Variants in CDH13 observed in about 807,000 individuals in gnomAD.
The protein encoded by CDH13 is cadherin-13.
CDH13 carries 24 observed loss-of-function variants against 63.8 expected under a neutral mutation model. The ratio of observed to expected loss-of-function variants is 0.38; its 90% CI spans 0.27 to 0.53. The LOEUF is 0.53. Ranked by LOEUF, CDH13 falls within the 20% of genes least tolerant of loss-of-function variation. CDH13 has a pLI of 0.85. For synonymous variants in CDH13, 503 were observed against 355.3 expected, an observed-to-expected ratio of 1.42 and a Z score of -4.67; for missense variants, 1,049 against 903.1, an observed-to-expected ratio of 1.16 and a Z score of -2.07.
chr16:83,065,389 G>A (rs1229178906), intron 3 of CDH13, among the ~76,000 whole-genome samples: 1 of 152,142 alleles, frequency 6.6e-6, no homozygotes, highest in Non-Finnish European at 1.5e-5. Context: ...CAAAACTGCT[G>A]CTAATTCAAA....
chr16:83,296,457 A>G (rs1241948156), intron 5 of CDH13, among the ~76,000 whole-genome samples: 2 of 152,184 alleles, frequency 1.3e-5, no homozygotes, highest in Non-Finnish European at 2.9e-5. Context: ...GTATAGTTTA[A>G]GGGCAGACGT....
Position 83,424,166 on chromosome 16 carries a change from A to G in CDH13, c.782-62311A>G, listed in dbSNP as rs929915904. ...TCCAACATGGACTGAAAAGTCTAGA[A>G]GAGGGAAATCTAACACGTACTGAAC... On this transcript the variant is annotated intron_variant, in intron 6 of 13. Transcript: ENST00000567109. 8.6e-5 allele frequency among the ~76,000 whole-genome samples: 13 copies of G among 152,002 alleles called. No individual in the cohort carries two copies. In the East Asian group the frequency reaches 1.5e-3, roughly 18 times the overall value.
intron 1 of CDH13, among the ~76,000 whole-genome samples, chr16:82,759,783 C>G (rs1294380090): frequency 6.6e-6 from 1 of 151,942 alleles, no homozygotes; most frequent in Non-Finnish European, 1.5e-5. Flanking sequence ...ACTCACTTGC[C>G]AAATCCTCTG....
chr16:83,758,450 G>T (rs539010234), intron 11 of CDH13, among the ~76,000 whole-genome samples: 1 of 151,516 alleles, frequency 6.6e-6, no homozygotes, highest in Non-Finnish European at 1.5e-5. Flanking sequence ...AACTTTTTTA[G>T]TCTAGTTTTA....
chr16:83,063,762 A>G (rs548795297), intron 3 of CDH13, among the ~76,000 whole-genome samples: 1 of 152,294 alleles, frequency 6.6e-6, no homozygotes, highest in South Asian at 2.1e-4. Flanking sequence ...CAAGGCCAAA[A>G]TCAAGGTGTC....
intron 2 of CDH13, among the ~76,000 whole-genome samples, chr16:82,991,303 G>A (rs1363876774): frequency 6.6e-6 from 1 of 152,092 alleles, no homozygotes; most frequent in East Asian, 1.9e-4. Context: ...ACTGCTGAAA[G>A]GCAAATTTAA....
At chr16:82,678,006 A>G (rs1914125802) in intron 1 of CDH13, among the ~76,000 whole-genome samples, 1 of 152,210 alleles carries the variant, frequency 6.6e-6, no homozygotes, top group Non-Finnish European at 1.5e-5. Flanking sequence ...CATAATTTTA[A>G]TGAATCGTGG....
chr16:83,344,598 T>A (rs1438949548), intron 5 of CDH13, among the ~76,000 whole-genome samples: 7 of 152,340 alleles, frequency 4.6e-5, no homozygotes, highest in Admixed American at 6.5e-5. Flanking sequence ...TGAGTTTTTT[T>A]GTTTTGTTTT....
intron 2 of CDH13, among the ~76,000 whole-genome samples, chr16:83,015,453 C>A (rs1914663750): frequency 6.6e-6 from 1 of 151,320 alleles, no homozygotes; most frequent in Non-Finnish European, 1.5e-5. Context: ...TGCCTGATAT[C>A]TTCCCAGCAT....
chr16:83,733,500 TGGC>T (rs757451962), intron 10 of CDH13, among the ~76,000 whole-genome samples: 7 of 152,184 alleles, frequency 4.6e-5, no homozygotes, highest in African/African-American at 2.4e-5. Flanking sequence ...CCTCCTTGCT[TGGC>T]AGCCGGCCAG....
At chr16:83,445,270 CTTTTATAATTTATAAAAGG>C (rs1447837698) in intron 6 of CDH13, among the ~76,000 whole-genome samples, 127 of 68,950 alleles carry the variant, frequency 1.8e-3, no homozygotes, top group African/African-American at 5.4e-3. Flanking sequence ...TTTATAAAAG[CTTTTATAATTTATAAAAGG>C]TTTTATAAAT....
chr16:83,159,587 G>A (rs1309419547), intron 4 of CDH13, among the ~76,000 whole-genome samples: 2 of 152,076 alleles, frequency 1.3e-5, no homozygotes, highest in Non-Finnish European at 2.9e-5. Context: ...GTTAACATAG[G>A]CACATAAAAA....
intron 2 of CDH13, among the ~76,000 whole-genome samples, chr16:82,943,042 C>A (rs1190537210): frequency 1.3e-5 from 2 of 152,160 alleles, no homozygotes; most frequent in Non-Finnish European, 2.9e-5. Flanking sequence ...GACAGCTCTG[C>A]CTTAGCACTA....
chr16:83,135,722 C>A (rs1308746378), intron 4 of CDH13, among the ~76,000 whole-genome samples: 2 of 152,186 alleles, frequency 1.3e-5, no homozygotes, highest in South Asian at 2.1e-4. Flanking sequence ...GATACTTGCA[C>A]ACACACGTTT....
intron 6 of CDH13, among the ~76,000 whole-genome samples, chr16:83,449,020 T>A (rs2072800035): frequency 6.6e-6 from 1 of 152,152 alleles, no homozygotes; most frequent in African/African-American, 2.4e-5. Context: ...CTGGCAATCC[T>A]CAACAAAAGG....
intron 4 of CDH13, among the ~76,000 whole-genome samples, chr16:83,140,807 C>G (rs533626833): frequency 4.7e-4 from 71 of 152,298 alleles, no homozygotes; most frequent in African/African-American, 1.6e-3. Flanking sequence ...TGAAGAGCAC[C>G]TCACGATTTT....
At position 83,418,740 on chromosome 16, in the gene CDH13, T is replaced by C. The variant is rs141934276; in HGVS notation, c.782-67737T>C. On this transcript the variant is annotated intron_variant, in intron 6 of 13. Coordinates refer to ENST00000567109, the MANE Select transcript of CDH13 (RefSeq NM_001257.5). ...TATCATGGTGATGAGTGCTAGGACATTGTCAAGGCTCTTTTAAGTGTGACC... is the reference window on the plus strand; with the variant it reads ...TATCATGGTGATGAGTGCTAGGACACTGTCAAGGCTCTTTTAAGTGTGACC... 9.9e-5 allele frequency among the ~76,000 whole-genome samples: 15 copies of C among 152,144 alleles called. No homozygotes were observed. In the East Asian group the frequency reaches 2.9e-3, roughly 30 times the overall value.
At chr16:83,443,321 A>G (rs1227875135) in intron 6 of CDH13, among the ~76,000 whole-genome samples, 1 of 152,146 alleles carries the variant, frequency 6.6e-6, no homozygotes, top group African/African-American at 2.4e-5. Flanking sequence ...GTGTTCAGGT[A>G]TGAGTGAAAG....
chr16:83,180,334 A>AT lies in CDH13; in HGVS notation c.484-37001dup, dbSNP rs140110529. On this transcript the variant is annotated intron_variant, in intron 4 of 13. Coordinates refer to ENST00000567109, the MANE Select transcript of CDH13 (RefSeq NM_001257.5). Reference sequence around the variant, plus strand: ...TCAGTTAAGATCAGACGATGGATGTATTTTTTTTTTCACATCCTTTCCTTT... The same window carrying AT: ...TCAGTTAAGATCAGACGATGGATGTATTTTTTTTTTTCACATCCTTTCCTTT... 6.9e-3 allele frequency among the ~76,000 whole-genome samples: 1,044 copies of AT among 150,250 alleles called. 9 individuals are homozygous for AT. The highest frequency in any genetic ancestry group is 0.018 in the African/African-American group (732 of 41,006).
Sources: gnomAD v4.1 joint callset for allele counts (sites outside exome capture counted in the v4.1 genomes callset) on GRCh38, gnomAD v4.1.1 for gene constraint, MANE v1.5 for transcripts, NCBI Gene and HGNC (gene_info 2026-07-23, HGNC 2026-07-21) for gene names.